FERMT2: variants seen among roughly 807,000 people sequenced by gnomAD.
The protein encoded by FERMT2 is fermitin family homolog 2.
Under a neutral mutation model 82.7 loss-of-function variants are expected in FERMT2, and 15 were observed. The observed-to-expected ratio is 0.18, with a 90% CI of 0.12 to 0.28. The LOEUF (loss-of-function observed/expected upper bound fraction) is 0.28. FERMT2 is among the 10% of genes least tolerant of loss of function. FERMT2 has a pLI of 1.00. For synonymous variants in FERMT2, 274 were observed against 271.5 expected (o/e 1.01, Z -0.09); for missense variants, 645 against 809.4 (o/e 0.80, Z 2.46).
At chr14:52,933,539 C>T (rs1296145166) in intron 2 of FERMT2, among the ~76,000 whole-genome samples, 6 of 151,462 alleles carry the variant, frequency 4.0e-5, no homozygotes, top group Non-Finnish European at 2.9e-5. Context: ...GGAGAAACCT[C>T]GTCTCTACTA....
chr14:52,938,005 G>A (rs1209142331), intron 2 of FERMT2, among the ~76,000 whole-genome samples: 4 of 152,116 alleles, frequency 2.6e-5, no homozygotes, highest in Admixed American at 1.3e-4. Context: ...TAATCCTTAC[G>A]ACAACCCTAA....
At chr14:52,872,735 C>T in intron 10 of FERMT2, 64 bp downstream of exon 10, 1 of 1,555,216 alleles carries the variant, frequency 6.4e-7, no homozygotes, top group South Asian at 1.2e-5. Context: ...CAGCAAGTGG[C>T]TCATTGACTA....
At chr14:52,936,073 G>A (rs1226146067) in intron 2 of FERMT2, among the ~76,000 whole-genome samples, 1 of 152,102 alleles carries the variant, frequency 6.6e-6, no homozygotes, top group African/African-American at 2.4e-5. Context: ...TAGAAGACAG[G>A]GCTCGGAGTC....
chr14:52,935,150 C>T (rs981958517), intron 2 of FERMT2, among the ~76,000 whole-genome samples: 3 of 152,074 alleles, frequency 2.0e-5, no homozygotes, highest in East Asian at 1.9e-4. Flanking sequence ...CAAATTGCAA[C>T]GTCCAAAGTG....
chr14:52,899,889 G>A (rs1351415204), intron 3 of FERMT2, among the ~76,000 whole-genome samples: 3 of 152,066 alleles, frequency 2.0e-5, no homozygotes, highest in Non-Finnish European at 2.9e-5. Flanking sequence ...TAAGAGTGGG[G>A]CTGGAGAAGA....
chr14:52,868,592 A>G (rs1156937260), intron 10 of FERMT2, among the ~76,000 whole-genome samples: 2 of 152,130 alleles, frequency 1.3e-5, no homozygotes. Flanking sequence ...ATTTTTAATA[A>G]CTTTGCATTT....
chr14:52,889,785 G>T (rs1473019954), intron 4 of FERMT2, among the ~76,000 whole-genome samples: 2 of 152,132 alleles, frequency 1.3e-5, no homozygotes, highest in Admixed American at 6.6e-5. Context: ...TAACACAATG[G>T]TAAGTATCTG....
chr14:52,900,104 T>G (rs114947424), intron 3 of FERMT2, among the ~76,000 whole-genome samples: 7 of 152,214 alleles, frequency 4.6e-5, no homozygotes, highest in South Asian at 2.1e-4. Context: ...CAATGTTTTT[T>G]TTTGTTTGTT....
intron 2 of FERMT2, among the ~76,000 whole-genome samples, chr14:52,930,810 G>A (rs1258997282): frequency 1.3e-5 from 2 of 152,028 alleles, no homozygotes; most frequent in Non-Finnish European, 2.9e-5. Context: ...GTAAAGACAG[G>A]GCCTACAAGT....
intron 4 of FERMT2, among the ~76,000 whole-genome samples, chr14:52,884,435 C>T (rs1041693888): frequency 6.6e-6 from 1 of 151,834 alleles, no homozygotes; most frequent in Non-Finnish European, 1.5e-5. Flanking sequence ...AACCCCGCCT[C>T]TACTAAAAAT....
chr14:52,898,981 A>G (rs1003845627), intron 3 of FERMT2, among the ~76,000 whole-genome samples: 2 of 152,200 alleles, frequency 1.3e-5, no homozygotes, highest in Non-Finnish European at 2.9e-5. Context: ...ACTGTACTAC[A>G]TGATTCAAAT....
At chr14:52,858,663 C>A in intron 14 of FERMT2, 113 bp from the exon 15 acceptor site, 2 of 916,702 alleles carry the variant, frequency 2.2e-6, no homozygotes, top group Non-Finnish European at 3.3e-6. Context: ...TGTTGATCCT[C>A]AAATGATCAG....
chr14:52,865,308 C>T (rs1304500729), intron 10 of FERMT2, among the ~76,000 whole-genome samples: 1 of 152,022 alleles, frequency 6.6e-6, no homozygotes, highest in Non-Finnish European at 1.5e-5. Flanking sequence ...GCAACAAAAG[C>T]GAAACTCTCT....
intron 3 of FERMT2, among the ~76,000 whole-genome samples, chr14:52,911,575 C>T (rs892317339): frequency 4.0e-5 from 6 of 151,550 alleles, no homozygotes; most frequent in South Asian, 2.1e-4. Flanking sequence ...GGCGTGAACC[C>T]GGGAGGCAGA....
intron 2 of FERMT2, among the ~76,000 whole-genome samples, chr14:52,941,713 GCTT>G (rs1205067415): frequency 6.6e-6 from 1 of 152,126 alleles, no homozygotes; most frequent in Non-Finnish European, 1.5e-5. Flanking sequence ...GCATACATTA[GCTT>G]TTTTCTGAAA....
intron 4 of FERMT2, among the ~76,000 whole-genome samples, chr14:52,883,356 T>C (rs750352946): frequency 1.3e-5 from 2 of 152,158 alleles, no homozygotes; most frequent in African/African-American, 4.8e-5. Flanking sequence ...AAAGGACTAA[T>C]TGGGCACCCC....
intron 3 of FERMT2, among the ~76,000 whole-genome samples, chr14:52,905,936 A>G (rs1887981220): frequency 6.6e-6 from 1 of 152,260 alleles, no homozygotes; most frequent in Non-Finnish European, 1.5e-5. Flanking sequence ...GAGGATTTCA[A>G]GTAAGTTGGG....
chr14:52,868,090 C>G (rs978111519), intron 10 of FERMT2, among the ~76,000 whole-genome samples: 2 of 152,174 alleles, frequency 1.3e-5, no homozygotes, highest in Admixed American at 6.5e-5. Context: ...TTTTTATCAT[C>G]TAATGTCTGC....
chr14:52,921,283 A>G (rs1169979602), intron 2 of FERMT2, among the ~76,000 whole-genome samples: 1 of 152,228 alleles, frequency 6.6e-6, no homozygotes, highest in East Asian at 1.9e-4. Flanking sequence ...ATTTTAATCA[A>G]TAAGTATTTT....
Sources: allele counts gnomAD v4.1 joint callset (sites outside exome capture counted in the v4.1 genomes callset), GRCh38; gene constraint gnomAD v4.1.1; transcripts MANE v1.5; gene names NCBI Gene and HGNC (gene_info 2026-07-23, HGNC 2026-07-21).